Variants in CDH12 observed in about 807,000 individuals in gnomAD.
The protein encoded by CDH12 is cadherin 12, also known as cadherin-12.
CDH12 carries 41 observed loss-of-function variants against 74.1 expected under a neutral mutation model. That is an observed-to-expected ratio of 0.55 (90% CI 0.43 to 0.72). CDH12 has a LOEUF of 0.72. Among genes scored for constraint, CDH12 ranks in the 30% least tolerant of loss-of-function variants. The pLI is 0.00. For synonymous variants in CDH12, 399 were observed against 355.0 expected (o/e 1.12, Z -1.39); for missense variants, 945 against 977.2 (o/e 0.97, Z 0.44).
At chr5:22,326,290 A>G (rs1002495770) in intron 3 of CDH12, among the ~76,000 whole-genome samples, 2 of 151,334 alleles carry the variant, frequency 1.3e-5, no homozygotes, top group African/African-American at 4.9e-5. Context: ...GCTGGAGTGC[A>G]GTGGCGCGAT....
chr5:22,472,543 G>GA (rs1489197463), intron 2 of CDH12, among the ~76,000 whole-genome samples: 5 of 151,970 alleles, frequency 3.3e-5, no homozygotes, highest in African/African-American at 9.7e-5. Context: ...TTTCTTGTAG[G>GA]AATTTAAATG....
intron 1 of CDH12, among the ~76,000 whole-genome samples, chr5:22,601,922 T>C (rs1332447597): frequency 1.3e-5 from 2 of 152,044 alleles, no homozygotes; most frequent in Non-Finnish European, 2.9e-5. Flanking sequence ...AAAATTTAGA[T>C]GGCAATCATA....
At chr5:21,898,530 G>A (rs1445169953) in intron 6 of CDH12, among the ~76,000 whole-genome samples, 1 of 151,762 alleles carries the variant, frequency 6.6e-6, no homozygotes, top group African/African-American at 2.4e-5. Context: ...GTGAAACCCC[G>A]TCTCTACTAA....
chr5:22,090,994 C>A (rs1743387044), intron 4 of CDH12, among the ~76,000 whole-genome samples: 1 of 151,774 alleles, frequency 6.6e-6, no homozygotes, highest in African/African-American at 2.4e-5. Context: ...TAACAGACTG[C>A]ATGTTTTCTC....
intron 3 of CDH12, among the ~76,000 whole-genome samples, chr5:22,391,229 C>T (rs909693428): frequency 1.3e-5 from 2 of 152,094 alleles, no homozygotes; most frequent in Non-Finnish European, 2.9e-5. Flanking sequence ...CACATGAGAT[C>T]TGAATGGATA....
intron 1 of CDH12, among the ~76,000 whole-genome samples, chr5:22,653,948 C>G (rs1463564613): frequency 6.6e-6 from 1 of 152,158 alleles, no homozygotes; most frequent in African/African-American, 2.4e-5. Context: ...CTCCTGGGCA[C>G]TTTTATCTAT....
At chr5:22,235,658 A>G (rs954568369) in intron 3 of CDH12, among the ~76,000 whole-genome samples, 1 of 152,174 alleles carries the variant, frequency 6.6e-6, no homozygotes, top group African/African-American at 2.4e-5. Flanking sequence ...TCTAGTAAAC[A>G]TTAATTTTGA....
At chr5:22,008,369 A>T (rs1272249400) in intron 5 of CDH12, among the ~76,000 whole-genome samples, 1 of 151,934 alleles carries the variant, frequency 6.6e-6, no homozygotes, top group Non-Finnish European at 1.5e-5. Flanking sequence ...AGCTGGGATT[A>T]CAGGCGTCCA....
intron 5 of CDH12, among the ~76,000 whole-genome samples, chr5:22,025,988 T>C (rs1738324278): frequency 7.8e-6 from 1 of 129,000 alleles, no homozygotes; most frequent in African/African-American, 4.1e-5. Context: ...TCCACTGAAA[T>C]CTTCAACCAC....
rs370542904 is a variant in CDH12 at position 21,882,747 on chromosome 5, G to A, written c.527-27957C>T. 4.0e-4 allele frequency: 649 copies of A among 1,603,996 alleles called. 11 individuals carry two copies. The South Asian group carries it at 5.7e-3, about 14-fold the overall frequency. ...AGACCTTTTAGCCGATGCTGTGGCC[G>A]TTACAATGGAGCCAAAGGGAAGAAC... On this transcript the variant is annotated intron_variant, in intron 6 of 14. Transcript: ENST00000382254.
At position 22,217,332 on chromosome 5, in the gene CDH12, A is replaced by C. The variant is rs1043614260; in HGVS notation, c.-332-4689T>G. 2.0e-5 allele frequency among the ~76,000 whole-genome samples: 3 copies of C among 151,816 alleles called. No individual in the cohort carries two copies. The East Asian group carries it at 5.8e-4, about 29-fold the overall frequency. On this transcript the variant is annotated intron_variant, in intron 3 of 14. Coordinates refer to ENST00000382254, the MANE Select transcript of CDH12 (RefSeq NM_004061.5). Reference sequence around the variant, plus strand: ...TGTCCTGATCAGTAAAATTAATGTAAAGGTAACTTAATTAAAATGATTGAG... The same window carrying C: ...TGTCCTGATCAGTAAAATTAATGTACAGGTAACTTAATTAAAATGATTGAG...
chr5:22,374,860 A>G (rs1741451990), intron 3 of CDH12, among the ~76,000 whole-genome samples: 1 of 152,094 alleles, frequency 6.6e-6, no homozygotes, highest in African/African-American at 2.4e-5. Context: ...AAAAAATAGT[A>G]TTGTTAAAAT....
chr5:22,314,184 T>C (rs749303504), intron 3 of CDH12, among the ~76,000 whole-genome samples: 1 of 152,140 alleles, frequency 6.6e-6, no homozygotes, highest in Non-Finnish European at 1.5e-5. Flanking sequence ...TGTACAAATC[T>C]GAAGCTAAGG....
intron 6 of CDH12, among the ~76,000 whole-genome samples, chr5:21,868,222 C>G (rs561110034): frequency 4.9e-4 from 72 of 147,656 alleles, no homozygotes; most frequent in Non-Finnish European, 9.7e-4. Flanking sequence ...GTGAGGCCTC[C>G]CCAGCCATGT....
chr5:22,024,830 A>G (rs1286585546), intron 5 of CDH12, among the ~76,000 whole-genome samples: 1 of 152,174 alleles, frequency 6.6e-6, no homozygotes, highest in Non-Finnish European at 1.5e-5. Flanking sequence ...AAATTAAATT[A>G]GTACACAGAA....
intron 3 of CDH12, among the ~76,000 whole-genome samples, chr5:22,225,267 A>T (rs1396087013): frequency 6.6e-6 from 1 of 152,120 alleles, no homozygotes; most frequent in African/African-American, 2.4e-5. Flanking sequence ...ATAGCTCATT[A>T]ACATGTGTTT....
At chr5:22,378,448 G>A (rs544072548) in intron 3 of CDH12, among the ~76,000 whole-genome samples, 8 of 152,078 alleles carry the variant, frequency 5.3e-5, no homozygotes, top group East Asian at 3.9e-4. Context: ...CATAGTGGAC[G>A]TATATAACAA....
intron 3 of CDH12, among the ~76,000 whole-genome samples, chr5:22,317,031 AGATT>A (rs1738662278): frequency 2.0e-5 from 3 of 152,130 alleles, no homozygotes; most frequent in Admixed American, 6.5e-5. Context: ...TTCACTAGAT[AGATT>A]AACTATTAAA....
At chr5:22,497,885 C>T (rs1000197618) in intron 2 of CDH12, among the ~76,000 whole-genome samples, 10 of 151,910 alleles carry the variant, frequency 6.6e-5, no homozygotes, top group Non-Finnish European at 8.8e-5. Flanking sequence ...TCAAGTGATC[C>T]GCCCAACTCA....
Sources: gnomAD v4.1 joint callset for allele counts (sites outside exome capture counted in the v4.1 genomes callset) on GRCh38, gnomAD v4.1.1 for gene constraint, MANE v1.5 for transcripts, NCBI Gene and HGNC (gene_info 2026-07-23, HGNC 2026-07-21) for gene names.